The following TPD52 variants were observed in gnomAD, a reference collection of about 807,000 sequenced individuals.
The protein encoded by TPD52 is tumor protein D52.
Under a neutral mutation model 31.3 loss-of-function variants are expected in TPD52, and 17 were observed. The ratio of observed to expected loss-of-function variants is 0.54; its 90% confidence interval spans 0.37 to 0.82. The LOEUF is 0.82. Ranked by LOEUF, TPD52 falls within the 40% of genes least tolerant of loss-of-function variation. The probability of loss-of-function intolerance (pLI) is 0.00; values close to 1 mark genes in which losing one functional copy is unlikely to be tolerated. For synonymous variants in TPD52, 83 were observed against 89.6 expected, an observed-to-expected ratio of 0.93 and a Z score of 0.42; for missense variants, 212 against 240.1, an observed-to-expected ratio of 0.88 and a Z score of 0.77.
At chr8:80,087,123 A>G (rs1815866461) in intron 1 of TPD52, among the ~76,000 whole-genome samples, 1 of 152,058 alleles carries the variant, frequency 6.6e-6, no homozygotes, top group Non-Finnish European at 1.5e-5. Flanking sequence ...CTGAGTAGAG[A>G]ATGCAGGTGT....
At chr8:80,130,106 T>C (rs1808920181) in intron 1 of TPD52, among the ~76,000 whole-genome samples, 1 of 152,138 alleles carries the variant, frequency 6.6e-6, no homozygotes, top group South Asian at 2.1e-4. Flanking sequence ...CACACCGAAT[T>C]GGCTCAGATT....
chr8:80,093,152 C>T (rs991486493), intron 1 of TPD52, among the ~76,000 whole-genome samples: 8 of 152,042 alleles, frequency 5.3e-5, no homozygotes, highest in Non-Finnish European at 8.8e-5. Context: ...GTCTTTTCAA[C>T]GGGATAATTA....
chr8:80,066,527 C>T (rs1419104060), intron 1 of TPD52, among the ~76,000 whole-genome samples: 1 of 152,190 alleles, frequency 6.6e-6, no homozygotes, highest in African/African-American at 2.4e-5. Flanking sequence ...TATTTGTGAA[C>T]AGACTGCCCA....
chr8:80,149,879 T>C (rs1056455866), intron 1 of TPD52, among the ~76,000 whole-genome samples: 2 of 152,144 alleles, frequency 1.3e-5, no homozygotes, highest in Non-Finnish European at 2.9e-5. Flanking sequence ...AAATTTGCAG[T>C]AGAAAAGAAA....
intron 1 of TPD52, among the ~76,000 whole-genome samples, chr8:80,075,318 G>A (rs1814409877): frequency 1.3e-5 from 2 of 152,166 alleles, no homozygotes; most frequent in East Asian, 3.9e-4. Context: ...AGAGCAGGAG[G>A]GGAGGGGCTG....
Position 80,053,670 on chromosome 8 carries a change from CCTT to C in TPD52, c.136-243_136-241del, listed in dbSNP as rs1195058322. Among the ~76,000 whole-genome samples, 4 of 152,148 alleles carry C rather than the reference CCTT, an allele frequency of 2.6e-5. No homozygotes were observed. In the East Asian group the frequency reaches 7.7e-4, roughly 29 times the overall value. ...TAATCCCATCTTAAGCTGTTTTTGG[CCTT>C]CTCCTCTCTCCCTATACTTCCTTAC... On this transcript the variant is annotated intron_variant, in intron 2 of 7. Coordinates refer to ENST00000518937, the MANE Select transcript of TPD52 (RefSeq NM_001025253.3).
intron 1 of TPD52, among the ~76,000 whole-genome samples, chr8:80,129,519 C>G (rs562080867): frequency 2.0e-5 from 3 of 152,252 alleles, no homozygotes. Flanking sequence ...TCAGCTGAGC[C>G]ATAGCTAAGT....
At chr8:80,159,785 G>A (rs968676036) in intron 1 of TPD52, among the ~76,000 whole-genome samples, 2 of 152,174 alleles carry the variant, frequency 1.3e-5, no homozygotes, top group African/African-American at 2.4e-5. Flanking sequence ...AAACTTAATT[G>A]TAATGCAAAG....
intron 1 of TPD52, among the ~76,000 whole-genome samples, chr8:80,141,593 A>G (rs960107572): frequency 2.1e-4 from 32 of 152,206 alleles, no homozygotes; most frequent in African/African-American, 7.5e-4. Context: ...GGCCAGCCCC[A>G]GATTTCTGAC....
chr8:80,080,506 G>C, intron 1 of TPD52: 1 of 1,602,498 alleles, frequency 6.2e-7, no homozygotes, highest in Non-Finnish European at 8.5e-7. Context: ...TCAGCCTTCA[G>C]TTGAGTGCCG....
chr8:80,031,379 TAGTCCTTACAA>T (rs1056446266), downstream of TPD52, among the ~76,000 whole-genome samples: 1 of 152,234 alleles, frequency 6.6e-6, no homozygotes, highest in African/African-American at 2.4e-5. Flanking sequence ...AACTGTATGG[TAGTCCTTACAA>T]ATTCATTAAA....
chr8:80,080,703 C>T, intron 1 of TPD52: 1 of 1,171,190 alleles, frequency 8.5e-7, no homozygotes, highest in Non-Finnish European at 1.1e-6. Flanking sequence ...CTATTCACCA[C>T]CTGGTGTTAA....
rs142346729 is a variant in TPD52 at position 80,038,478 on chromosome 8, CT to C, written c.505-244del. ...AAATTCTACCCCTTCCCCTTTCCCC[CT>C]GCTCCTTGTTCTTCACAGGAAGTCT... On this transcript the variant is annotated intron_variant, in intron 7 of 7. Coordinates refer to ENST00000518937, the MANE Select transcript of TPD52 (RefSeq NM_001025253.3). 7.1e-3 allele frequency among the ~76,000 whole-genome samples: 1,086 copies of C among 152,264 alleles called. 11 individuals are homozygous for C. Among genetic ancestry groups the C allele is most frequent in the African/African-American group, 0.025 (1,021 of 41,540 alleles).
chr8:80,142,576 A>G (rs1809908563), intron 1 of TPD52, among the ~76,000 whole-genome samples: 1 of 151,568 alleles, frequency 6.6e-6, no homozygotes, highest in Admixed American at 6.6e-5. Context: ...GTGCCGCACA[A>G]CTGTAGTCCC....
At chr8:80,031,119 C>G (rs1809683437), downstream of TPD52, among the ~76,000 whole-genome samples, 1 of 152,216 alleles carries the variant, frequency 6.6e-6, no homozygotes, top group South Asian at 2.1e-4. Flanking sequence ...GTCCGTCTAT[C>G]TTTGACCCAG....
chr8:80,043,982 T>A (rs550703641), intron 6 of TPD52, among the ~76,000 whole-genome samples, 185 bp downstream of exon 6: 2 of 152,244 alleles, frequency 1.3e-5, no homozygotes, highest in Admixed American at 1.3e-4. Context: ...ATCAAAACAT[T>A]TAACGGATCT....
At chr8:80,052,154 G>C (rs1460738288) in intron 3 of TPD52, among the ~76,000 whole-genome samples, 1 of 152,158 alleles carries the variant, frequency 6.6e-6, no homozygotes. Flanking sequence ...TCTTTAGAGA[G>C]CTACCAAATA....
At chr8:80,117,784 G>A (rs1807973932) in intron 1 of TPD52, among the ~76,000 whole-genome samples, 1 of 147,002 alleles carries the variant, frequency 6.8e-6, no homozygotes, top group Non-Finnish European at 1.5e-5. Flanking sequence ...CCAGGCTGGA[G>A]TGTAGTGGTG....
At chr8:80,044,126 A>G (rs746630467) in intron 6 of TPD52, 41 bp downstream of exon 6, 7 of 1,523,960 alleles carry the variant, frequency 4.6e-6, no homozygotes, top group South Asian at 1.2e-5. Flanking sequence ...AAAGAAAAAT[A>G]AAGCATAAGA....
Sources: allele counts gnomAD v4.1 joint callset (sites outside exome capture counted in the v4.1 genomes callset), GRCh38; gene constraint gnomAD v4.1.1; transcripts MANE v1.5; gene names NCBI Gene and HGNC (gene_info 2026-07-23, HGNC 2026-07-21).